Variants in RSPRY1 observed in about 807,000 individuals in gnomAD.
RSPRY1 encodes the protein RING finger and SPRY domain-containing protein 1.
RSPRY1 carries 23 observed loss-of-function variants against 73.1 expected under a neutral mutation model. That is an observed-to-expected ratio of 0.31 (90% confidence interval 0.23 to 0.45). RSPRY1 has a LOEUF of 0.45. Ranked by LOEUF, RSPRY1 falls within the 20% of genes least tolerant of loss-of-function variation. RSPRY1 has a pLI of 1.00. For synonymous variants in RSPRY1, 226 were observed against 251.4 expected, an observed-to-expected ratio of 0.90 and a Z score of 0.95; for missense variants, 448 against 698.7, an observed-to-expected ratio of 0.64 and a Z score of 4.05.
chr16:57,213,352 G>A (rs746497681), intron 5 of RSPRY1, among the ~76,000 whole-genome samples: 2 of 152,140 alleles, frequency 1.3e-5, no homozygotes, highest in East Asian at 1.9e-4. Context: ...AATAAGGAGC[G>A]AGGAAAAGAA....
chr16:57,207,731 C>T (rs2074754272), intron 2 of RSPRY1: 1 of 476,980 alleles, frequency 2.1e-6, no homozygotes, highest in Non-Finnish European at 4.2e-6. Flanking sequence ...TCTCAGTTGG[C>T]ACTGGGCCTC....
intron 1 of RSPRY1, among the ~76,000 whole-genome samples, chr16:57,190,596 C>G (rs1427056148): frequency 1.3e-5 from 2 of 152,154 alleles, no homozygotes; most frequent in African/African-American, 2.4e-5. Flanking sequence ...AGTTTTTTCC[C>G]TGATATTCAA....
At chr16:57,213,508 G>C (rs969000543) in intron 5 of RSPRY1, among the ~76,000 whole-genome samples, 4 of 152,218 alleles carry the variant, frequency 2.6e-5, no homozygotes, top group African/African-American at 9.7e-5. Flanking sequence ...CTTCTGGTTG[G>C]AGCAGTTCCT....
chr16:57,234,783 ACT>A (rs2075277124), intron 13 of RSPRY1, among the ~76,000 whole-genome samples: 1 of 152,186 alleles, frequency 6.6e-6, no homozygotes, highest in African/African-American at 2.4e-5. Context: ...TTGTGAGCAG[ACT>A]CTCACATATG....
Position 57,204,720 on chromosome 16 carries a change from T to A in RSPRY1, c.62T>A (p.Leu21Ter). 1.2e-6 allele frequency: 2 copies of A among 1,614,224 alleles called. No homozygotes were observed. The highest frequency in any genetic ancestry group is 1.7e-6 in the Non-Finnish European group (2 of 1,180,040). Residue 21 changes from leucine (L) to a stop codon, truncating the protein, a stop_gained, in exon 2 of 15, where the codon TTG becomes TAG. Transcript: ENST00000394420. LOFTEE classifies it high-confidence loss of function. The stretch of plus-strand genomic sequence containing the variant: ...AGAAGCCTTGGCCAGGGTCTGTTGT[T>A]GACTCTCGAAGAGCACATAGCCCAC... The part of the protein sequence containing the change: ...ASRSLGQGLL[L>*]TLEEHIAHFL...
intron 13 of RSPRY1, among the ~76,000 whole-genome samples, chr16:57,232,722 A>G (rs1178016727): frequency 6.6e-6 from 1 of 152,234 alleles, no homozygotes; most frequent in East Asian, 1.9e-4. Flanking sequence ...TCAGATGGCA[A>G]TGGGCATCAA....
At chr16:57,204,169 G>A (rs1172207580) in intron 1 of RSPRY1, among the ~76,000 whole-genome samples, 1 of 150,658 alleles carries the variant, frequency 6.6e-6, no homozygotes, top group Non-Finnish European at 1.5e-5. Flanking sequence ...ATGATAAAAG[G>A]AGCCCTTGAA....
At position 57,204,551 on chromosome 16, in the gene RSPRY1, A is replaced by G; in HGVS notation, c.-108A>G. On this transcript the variant is annotated 5_prime_UTR_variant, in exon 2 of 15. Transcript: ENST00000394420. ...TCCCCTGTAGTTGATAATGTTGGGAATAAGCTCTGCAACTTTCTTTGGCAT... is the reference window on the plus strand; with the variant it reads ...TCCCCTGTAGTTGATAATGTTGGGAGTAAGCTCTGCAACTTTCTTTGGCAT... The G allele has an allele frequency of 1.1e-5, 10 of 943,924 alleles. No individual in the cohort carries two copies. Among genetic ancestry groups the G allele is most frequent in the Admixed American group, 2.0e-5 (1 of 48,926 alleles). 58.5% of individuals were successfully genotyped at this position (943,924 alleles called of 1,614,324 possible).
rs112718122 is a variant in RSPRY1, at chr16:57,226,879, C to T, written c.1162-463C>T. ...CCTGCCCCTATTCAAGATGGAGTCT[C>T]TCTGGTTTGAATGCCTCTGACAATC... On this transcript the variant is annotated intron_variant, in intron 10 of 14. Transcript: ENST00000394420. Among the ~76,000 whole-genome samples the T allele has an allele frequency of 9.9e-3, 1,512 of 152,302 alleles. 28 individuals carry two copies. The highest frequency in any genetic ancestry group is 0.035 in the African/African-American group (1,452 of 41,550).
At chr16:57,230,237 C>G (rs2075194026) in intron 11 of RSPRY1, among the ~76,000 whole-genome samples, 1 of 152,048 alleles carries the variant, frequency 6.6e-6, no homozygotes, top group Non-Finnish European at 1.5e-5. Flanking sequence ...TCTTCAAACT[C>G]CTGACCTCAG....
chr16:57,204,844 G>T lies in RSPRY1; in HGVS notation c.186G>T (p.Gln62His). Residue 62 changes from glutamine to histidine, a missense_variant, in exon 2 of 15, where the codon CAG becomes CAT. Transcript: ENST00000394420. ...ACAGTGTTGACACCCAACAGCAACA[G>T]GCCGAGAACAGTGCAGTACCCACTG... ...TDDSVDTQQQ[Q>H]AENSAVPTAD... The T allele has an allele frequency of 1.2e-6, 2 of 1,614,186 alleles. No homozygotes were observed. The highest frequency in any genetic ancestry group is 1.7e-6 in the Non-Finnish European group (2 of 1,180,038).
At chr16:57,192,591 T>C (rs199501379) in intron 1 of RSPRY1, among the ~76,000 whole-genome samples, 1 of 152,192 alleles carries the variant, frequency 6.6e-6, no homozygotes, top group Non-Finnish European at 1.5e-5. Flanking sequence ...ATTTGTCTTT[T>C]CTCCTTTGTA....
intron 14 of RSPRY1, among the ~76,000 whole-genome samples, chr16:57,236,821 G>C (rs899030448): frequency 2.0e-5 from 3 of 152,122 alleles, no homozygotes; most frequent in Non-Finnish European, 4.4e-5. Context: ...GTAAGACCTA[G>C]CAACGCAACT....
intron 10 of RSPRY1, among the ~76,000 whole-genome samples, chr16:57,222,959 G>C (rs2075062752): frequency 6.6e-6 from 1 of 152,128 alleles, no homozygotes; most frequent in African/African-American, 2.4e-5. Context: ...TGTAGTTGCA[G>C]ACCTTTGGCT....
At position 57,216,956 on chromosome 16, in the gene RSPRY1, A is replaced by C. The variant is rs775921703; in HGVS notation, c.822A>C (p.Thr274=). The change falls in exon 8 of 15, where the codon ACA becomes ACC. Residue 274 remains threonine (T), a synonymous_variant. Coordinates refer to ENST00000394420, the MANE Select transcript of RSPRY1 (RefSeq NM_133368.3). ...CCAGTATTAGTGACCGGCTTGTCAC[A>C]TTGGAGTCCTGGGCTAATGATCCTG... ...SESSISDRLV[T]LESWANDPDY... 6.2e-6 allele frequency: 10 copies of C among 1,613,812 alleles called. No homozygotes were observed. Among genetic ancestry groups the C allele is most frequent in the Non-Finnish European group, 8.5e-6 (10 of 1,179,682 alleles).
At chr16:57,209,041 A>G in intron 3 of RSPRY1, 34 bp from the exon 4 acceptor site, 1 of 1,334,460 alleles carries the variant, frequency 7.5e-7, no homozygotes, top group Non-Finnish European at 1.1e-6. Flanking sequence ...AAAAATAGTG[A>G]CTCCATCATA....
chr16:57,204,912 G>C lies in RSPRY1; in HGVS notation c.254G>C (p.Arg85Thr). The part of the protein sequence containing the change: ...SQPRDPVRPP[R>T]RGRGPHEPRR... ...CCACGGGACCCTGTTCGGCCACCAAGGAGGGGCCGAGGACCTCATGAGCCA... is the reference window on the plus strand; with the variant it reads ...CCACGGGACCCTGTTCGGCCACCAACGAGGGGCCGAGGACCTCATGAGCCA... Residue 85 changes from arginine (R) to threonine (T), a missense_variant, in exon 2 of 15, where the codon AGG (arginine) becomes ACG (threonine). By Grantham distance (71) the Arg-to-Thr change is moderately conservative. Transcript: ENST00000394420. The C allele has an allele frequency of 1.2e-6, 2 of 1,614,194 alleles. No homozygotes were observed. The highest frequency in any genetic ancestry group is 1.7e-6 in the Non-Finnish European group (2 of 1,180,032).
chr16:57,199,368 T>C (rs1389333613), intron 1 of RSPRY1, among the ~76,000 whole-genome samples: 1 of 152,134 alleles, frequency 6.6e-6, no homozygotes, highest in East Asian at 1.9e-4. Flanking sequence ...GGCGTGCGCC[T>C]GTAATCCCAG....
intron 13 of RSPRY1, among the ~76,000 whole-genome samples, chr16:57,232,063 T>G (rs554904678): frequency 1.3e-5 from 2 of 152,322 alleles, no homozygotes; most frequent in East Asian, 3.9e-4. Flanking sequence ...ACAGAGCAGC[T>G]GCCTGTTTAA....
Sources: allele counts gnomAD v4.1 joint callset (sites outside exome capture counted in the v4.1 genomes callset), GRCh38; gene constraint gnomAD v4.1.1; transcripts MANE v1.5; gene names NCBI Gene and HGNC (gene_info 2026-07-23, HGNC 2026-07-21).